METTL16: variants seen among roughly 807,000 people sequenced by gnomAD.
The protein encoded by METTL16 is RNA N(6)-adenosine-methyltransferase METTL16.
A neutral mutation model predicts 57.9 loss-of-function variants in METTL16; 19 were observed. The observed-to-expected ratio is 0.33, with a 90% CI of 0.23 to 0.48. The LOEUF is 0.48. METTL16 is among the 20% of genes least tolerant of loss of function. METTL16 has a pLI of 0.99. For synonymous variants in METTL16, 246 were observed against 255.6 expected (o/e 0.96, Z 0.36); for missense variants, 434 against 691.5 (o/e 0.63, Z 4.18).
chr17:2,455,410 G>A lies in METTL16; in HGVS notation c.728+8798C>T, dbSNP rs185802909. Among the ~76,000 whole-genome samples the A allele has an allele frequency of 1.4e-3, 206 of 152,256 alleles. 1 individual carries two copies. Among genetic ancestry groups the A allele is most frequent in the Middle Eastern group, 3.4e-3 (1 of 294 alleles). On this transcript the variant is annotated intron_variant, in intron 6 of 9. Coordinates refer to ENST00000263092, the MANE Select transcript of METTL16 (RefSeq NM_024086.4). Reference sequence around the variant, plus strand: ...CCTGTTATTCCTTTGTAGACTGTTAGATGAACTCAAAATACATGCTTGTTG... The same window carrying A: ...CCTGTTATTCCTTTGTAGACTGTTAAATGAACTCAAAATACATGCTTGTTG...
At chr17:2,471,440 A>C (rs1417994069) in intron 4 of METTL16, among the ~76,000 whole-genome samples, 2 of 152,148 alleles carry the variant, frequency 1.3e-5, no homozygotes, top group Non-Finnish European at 2.9e-5. Flanking sequence ...CAGCATGCTG[A>C]GATTACAGCA....
intron 7 of METTL16, among the ~76,000 whole-genome samples, chr17:2,438,920 A>G (rs2066927573): frequency 6.6e-6 from 1 of 152,174 alleles, no homozygotes; most frequent in Non-Finnish European, 1.5e-5. Flanking sequence ...TAGCTCTCAC[A>G]ATTTACCCAA....
Position 2,420,763 on chromosome 17 carries a change from T to A in METTL16, c.1030A>T (p.Thr344Ser). 6.2e-7 allele frequency: 1 copy of A among 1,613,938 alleles called. No homozygotes were observed. The highest frequency in any genetic ancestry group is 8.5e-7 in the Non-Finnish European group (1 of 1,179,958). The change falls in exon 9 of 10, where the codon ACA becomes TCA. Residue 344 changes from threonine to serine, a missense_variant. Physicochemically the swap from Thr to Ser is moderately conservative, Grantham distance 58. Around this residue, in one of 5 missense-constraint regions of METTL16, gnomAD observed 96 missense variants for 138.3 expected, o/e 0.69. Transcript: ENST00000263092. This position sits in a 1 kb window ranked among gnomAD's most constrained non-coding sequence, Gnocchi z 5.4. ...TCAGTGAGAATTTTTTCAATCCATG[T>A]CGTGACAACGACTATGCCTTCCGCC... The part of the protein sequence containing the change: ...ETAEGIVVVT[T>S]WIEKILTDLK...
At chr17:2,442,243 G>C (rs1209208897) in intron 6 of METTL16, among the ~76,000 whole-genome samples, 1 of 152,192 alleles carries the variant, frequency 6.6e-6, no homozygotes, top group Admixed American at 6.5e-5. Flanking sequence ...ATATAAAATA[G>C]CTGTTTTTCA....
At chr17:2,428,791 C>T (rs1295028571) in intron 8 of METTL16, among the ~76,000 whole-genome samples, 1 of 151,156 alleles carries the variant, frequency 6.6e-6, no homozygotes, top group African/African-American at 2.4e-5. Context: ...CAAAGGAAAA[C>T]CAAACCACCC....
At chr17:2,443,911 G>A (rs2066973072) in intron 6 of METTL16, among the ~76,000 whole-genome samples, 1 of 152,168 alleles carries the variant, frequency 6.6e-6, no homozygotes, top group Non-Finnish European at 1.5e-5. Context: ...GTTGGTGGGA[G>A]GGCACAAAGT....
At chr17:2,501,686 C>G (rs1597474024) in intron 2 of METTL16, among the ~76,000 whole-genome samples, 1 of 151,946 alleles carries the variant, frequency 6.6e-6, no homozygotes, top group African/African-American at 2.4e-5. Flanking sequence ...GGTGAAACCC[C>G]GTCTCTACTA....
chr17:2,511,161 C>T (rs924522552), intron 1 of METTL16, among the ~76,000 whole-genome samples: 1 of 151,734 alleles, frequency 6.6e-6, no homozygotes, highest in Admixed American at 6.6e-5. Flanking sequence ...TTCCCGGTTA[C>T]TTGAGTCAGT....
chr17:2,495,874 C>T (rs1228083050), intron 2 of METTL16, among the ~76,000 whole-genome samples: 16 of 151,378 alleles, frequency 1.1e-4, no homozygotes, highest in African/African-American at 3.4e-4. Flanking sequence ...TTTGGGAGGC[C>T]GAGGCAGGCG....
intron 6 of METTL16, among the ~76,000 whole-genome samples, chr17:2,450,644 G>A (rs1327661729): frequency 6.6e-6 from 1 of 152,086 alleles, no homozygotes; most frequent in Non-Finnish European, 1.5e-5. Flanking sequence ...TAACCATATC[G>A]TAACGTTTTA....
intron 1 of METTL16, among the ~76,000 whole-genome samples, chr17:2,510,457 C>A (rs530155952): frequency 6.6e-6 from 1 of 152,170 alleles, no homozygotes; most frequent in African/African-American, 2.4e-5. Flanking sequence ...AGTGCACACA[C>A]AACATAATAC....
intron 2 of METTL16, among the ~76,000 whole-genome samples, chr17:2,478,869 C>G (rs2067284779): frequency 6.6e-6 from 1 of 152,184 alleles, no homozygotes. Flanking sequence ...TATCCATTCA[C>G]CAGTTCCTGA....
chr17:2,416,899 T>A lies in METTL16; in HGVS notation c.*3071A>T, dbSNP rs2066720935. ...TGAAACAACACACAATTATAAAGCA[T>A]ATGCATGACCAAAACAATGCTTAGA... is the stretch of plus-strand genomic sequence containing the variant. On this transcript the variant is annotated 3_prime_UTR_variant, in exon 10 of 10. Transcript: ENST00000263092. The A allele has an allele frequency of 6.6e-6, 1 of 152,360 alleles. No homozygotes were observed. Among genetic ancestry groups the A allele is most frequent in the Admixed American group, 6.5e-5 (1 of 15,288 alleles). The allele number at this position is 152,360 out of a possible 1,614,324, so 9.4% of individuals were successfully genotyped here.
chr17:2,438,274 A>C lies in METTL16; in HGVS notation c.799-76T>G, dbSNP rs186603988. 47 of 1,048,650 alleles carry C rather than the reference A, an allele frequency of 4.5e-5. No homozygotes were observed. The East Asian group carries it at 1.1e-3, about 25-fold the overall frequency. The allele number at this position is 1,048,650 out of a possible 1,614,324, so 65.0% of individuals were successfully genotyped here. A position where few individuals can be genotyped will look rare whatever the true frequency, so the allele number is the denominator to read the frequency against. ...ATGTTTCTGGCTGCTGCGTCATGCC[A>C]TATTATGTTGATCCTTCTTTTTAAT... On this transcript the variant is annotated intron_variant, in intron 7 of 9. Coordinates refer to ENST00000263092, the MANE Select transcript of METTL16 (RefSeq NM_024086.4).
rs1407684471 is a variant in METTL16 at position 2,420,540 on chromosome 17, G to C, written c.1119C>G (p.Ala373=). The change falls in exon 10 of 10, where the codon GCC becomes GCG. Residue 373 remains alanine (A), a synonymous_variant. Coordinates refer to ENST00000263092, the MANE Select transcript of METTL16 (RefSeq NM_024086.4). The surrounding 1 kb of genome is among the most constrained non-coding windows in gnomAD (Gnocchi z 5.4). ...TTAAATGAATCCAGGAGTTTTCTAT[G>C]GCCGTTAGGAAAAGGCTGACTTCCT... The part of the protein sequence containing the change: ...GKEEVSLFLT[A]IENSWIHLRR... 1 of 1,613,372 alleles carries C rather than the reference G, an allele frequency of 6.2e-7. No individual in the cohort carries two copies. Among genetic ancestry groups the C allele is most frequent in the Non-Finnish European group, 8.5e-7 (1 of 1,180,020 alleles).
At chr17:2,422,344 A>AC (rs2066772569) in intron 8 of METTL16, among the ~76,000 whole-genome samples, 2 of 151,204 alleles carry the variant, frequency 1.3e-5, no homozygotes, top group South Asian at 2.1e-4. Flanking sequence ...TTAGAAAAAA[A>AC]AAAAAACAAA....
At chr17:2,468,133 C>T (rs991959315) in intron 4 of METTL16, among the ~76,000 whole-genome samples, 9 of 152,218 alleles carry the variant, frequency 5.9e-5, no homozygotes, top group African/African-American at 1.9e-4. Context: ...CAGGCTATTA[C>T]ACATAGGCCC....
At chr17:2,475,428 T>G (rs1395156250) in intron 3 of METTL16, 1 of 152,178 alleles carries the variant, frequency 6.6e-6, no homozygotes, top group East Asian at 1.9e-4. Flanking sequence ...CAGTTGTACT[T>G]TCGACTCTGT....
At position 2,445,797 on chromosome 17, in the gene METTL16, A is replaced by T. The variant is rs749651140; in HGVS notation, c.729-4238T>A. On this transcript the variant is annotated intron_variant, in intron 6 of 9. Transcript: ENST00000263092. ...TAAGACTCTAACTTAAAAAAAAAAAATTAATTAATTTAAAAAATAATAAAA... is the reference window on the plus strand; with the variant it reads ...TAAGACTCTAACTTAAAAAAAAAAATTTAATTAATTTAAAAAATAATAAAA... Among the ~76,000 whole-genome samples the T allele has an allele frequency of 3.4e-3, 518 of 151,814 alleles. 6 individuals carry two copies. The highest frequency in any genetic ancestry group is 4.7e-3 in the Non-Finnish European group (316 of 67,938).
Sources: allele counts gnomAD v4.1 joint callset (sites outside exome capture counted in the v4.1 genomes callset), GRCh38; gene constraint gnomAD v4.1.1; regional missense constraint gnomAD v4.1.1; non-coding constraint Gnocchi (gnomAD v3.1); transcripts MANE v1.5; gene names NCBI Gene and HGNC (gene_info 2026-07-23, HGNC 2026-07-21).